Variants in FRMD6 observed in about 807,000 individuals in gnomAD.
FRMD6 encodes the protein FERM domain containing 6, also known as FERM domain-containing protein 6.
In FRMD6, 37 loss-of-function variants were observed where a neutral mutation model predicts 73.2. The observed-to-expected ratio is 0.51, with a 90% CI of 0.39 to 0.66. The LOEUF is 0.66. Ranked by LOEUF, FRMD6 falls within the 30% of genes least tolerant of loss-of-function variation. FRMD6 has a pLI of 0.00. For synonymous variants in FRMD6, 273 were observed against 282.2 expected (o/e 0.97, Z 0.33); for missense variants, 714 against 780.5 (o/e 0.91, Z 1.02).
At chr14:51,569,903 C>T (rs1454433192) in intron 1 of FRMD6, among the ~76,000 whole-genome samples, 3 of 151,968 alleles carry the variant, frequency 2.0e-5, no homozygotes, top group South Asian at 2.1e-4. Flanking sequence ...GCAAGCTCCA[C>T]CTCCTGGGTT....
the FRMD6 span, among the ~76,000 whole-genome samples, chr14:51,401,109 A>C: frequency 2.6e-5 from 4 of 152,228 alleles, no homozygotes; most frequent in African/African-American, 9.6e-5. Context: ...CACAATTTAA[A>C]ATAATGAGAA....
chr14:51,518,811 A>C (rs983555613), intron 1 of FRMD6, among the ~76,000 whole-genome samples: 1 of 152,142 alleles, frequency 6.6e-6, no homozygotes, highest in African/African-American at 2.4e-5. Context: ...CCACCATAGC[A>C]TTGTTTTACC....
intron 1 of FRMD6, among the ~76,000 whole-genome samples, chr14:51,530,864 G>C (rs939110687): frequency 4.6e-5 from 7 of 152,160 alleles, no homozygotes; most frequent in Non-Finnish European, 8.8e-5. Flanking sequence ...CCTTAACAAA[G>C]AGATTGTCTT....
chr14:51,583,185 C>CA (rs1378462049), intron 2 of FRMD6, among the ~76,000 whole-genome samples: 2 of 152,152 alleles, frequency 1.3e-5, no homozygotes, highest in Non-Finnish European at 2.9e-5. Flanking sequence ...GCTGCAGCTG[C>CA]AGGGTCTTTA....
At chr14:51,492,810 TGAA>T (rs1883093943) in intron 1 of FRMD6, among the ~76,000 whole-genome samples, 1 of 152,214 alleles carries the variant, frequency 6.6e-6, no homozygotes, top group Non-Finnish European at 1.5e-5. Flanking sequence ...ATTTTACAGT[TGAA>T]GACATTAAGG....
chr14:51,488,858 A>G (rs1249715128), upstream of FRMD6, among the ~76,000 whole-genome samples: 1 of 152,174 alleles, frequency 6.6e-6, no homozygotes, highest in Admixed American at 6.5e-5. Flanking sequence ...TGGATGGAGA[A>G]GCTCACACCG....
chr14:51,611,565 G>A (rs1000945822), intron 2 of FRMD6, among the ~76,000 whole-genome samples: 2 of 152,054 alleles, frequency 1.3e-5, no homozygotes, highest in South Asian at 2.1e-4. Flanking sequence ...TTTTCTCTTC[G>A]ACTTTACTGT....
chr14:51,518,165 T>C (rs2140284103), intron 1 of FRMD6, among the ~76,000 whole-genome samples: 1 of 152,356 alleles, frequency 6.6e-6, no homozygotes, highest in East Asian at 1.9e-4. Context: ...TGAAGCATTA[T>C]ATCAAAACTT....
intron 1 of FRMD6, among the ~76,000 whole-genome samples, chr14:51,682,811 G>C (rs1415691745): frequency 2.6e-5 from 4 of 152,248 alleles, no homozygotes; most frequent in African/African-American, 9.6e-5. Context: ...TTCTGGTTTT[G>C]CTTGGGTTAC....
the FRMD6 span, among the ~76,000 whole-genome samples, chr14:51,396,720 G>T: frequency 6.6e-6 from 1 of 152,168 alleles, no homozygotes; most frequent in East Asian, 1.9e-4. Context: ...TAAAACTTTA[G>T]GTGAGTCATT....
At chr14:51,636,931 T>C (rs1048407432) in intron 2 of FRMD6, among the ~76,000 whole-genome samples, 19 of 152,154 alleles carry the variant, frequency 1.2e-4, no homozygotes, top group Non-Finnish European at 4.4e-5. Flanking sequence ...TTTAAGTAAA[T>C]AGTAATTGTA....
chr14:51,501,041 C>A (rs1258192844), intron 1 of FRMD6, among the ~76,000 whole-genome samples: 1 of 152,120 alleles, frequency 6.6e-6, no homozygotes, highest in East Asian at 1.9e-4. Flanking sequence ...CTTCCCTGTT[C>A]CTCCTTCCTA....
At chr14:51,467,962 C>T in the FRMD6 span, among the ~76,000 whole-genome samples, 1 of 152,052 alleles carries the variant, frequency 6.6e-6, no homozygotes, top group East Asian at 1.9e-4. Flanking sequence ...GAGGTTGTAG[C>T]GAGCCGAGAT....
chr14:51,573,401 A>C (rs965623750), intron 2 of FRMD6, among the ~76,000 whole-genome samples: 2 of 152,152 alleles, frequency 1.3e-5, no homozygotes, highest in Non-Finnish European at 2.9e-5. Flanking sequence ...AAGGAGCAGG[A>C]GAGAGAGAGG....
At chr14:51,467,764 A>G in the FRMD6 span, among the ~76,000 whole-genome samples, 4 of 150,842 alleles carry the variant, frequency 2.7e-5, no homozygotes, top group Non-Finnish European at 5.9e-5. Context: ...CTCACTTCCT[A>G]GACGGGATGA....
the FRMD6 span, among the ~76,000 whole-genome samples, chr14:51,479,946 G>T: frequency 6.6e-6 from 1 of 152,184 alleles, no homozygotes; most frequent in East Asian, 1.9e-4. Flanking sequence ...GGTGGGGTGT[G>T]ATCATGAAGG....
chr14:51,441,795 A>T, the FRMD6 span, among the ~76,000 whole-genome samples: 48 of 152,314 alleles, frequency 3.2e-4, no homozygotes, highest in Non-Finnish European at 5.7e-4. Context: ...AAAAACATTT[A>T]AAAAATCTTG....
chr14:51,620,160 G>C (rs1207857556), intron 2 of FRMD6, among the ~76,000 whole-genome samples: 1 of 152,144 alleles, frequency 6.6e-6, no homozygotes, highest in African/African-American at 2.4e-5. Flanking sequence ...CAGGTGCCAT[G>C]GGAATTGGCT....
rs570748847 is a variant in FRMD6, at chr14:51,705,697, A to T, written c.558+762A>T. ...GATTTTTTCAGCTTCTTTACTTCCC[A>T]CAAGTGTTCCTCAAGCCATTTCCAT... On this transcript the variant is annotated intron_variant, in intron 6 of 13. Transcript: ENST00000344768. 4.6e-5 allele frequency among the ~76,000 whole-genome samples: 7 copies of T among 152,160 alleles called. No homozygotes were observed. The South Asian group carries it at 1.5e-3, about 32-fold the overall frequency.
Sources: allele counts gnomAD v4.1 joint callset (sites outside exome capture counted in the v4.1 genomes callset), GRCh38; gene constraint gnomAD v4.1.1; transcripts MANE v1.5; gene names NCBI Gene and HGNC (gene_info 2026-07-23, HGNC 2026-07-21).